SEMA6D: variants seen among roughly 807,000 people sequenced by gnomAD.
SEMA6D encodes semaphorin-6D.
A neutral mutation model predicts 106.6 loss-of-function variants in SEMA6D; 35 were observed. The ratio of observed to expected loss-of-function variants is 0.33; its 90% CI spans 0.25 to 0.44. The LOEUF (loss-of-function observed/expected upper bound fraction) is 0.44. Among genes scored for constraint, SEMA6D ranks in the 20% least tolerant of loss-of-function variants. The pLI is 1.00. For missense variants in SEMA6D, 1,185 were observed against 1,345.9 expected (o/e 0.88, Z 1.87); for synonymous variants, 499 against 487.7 (o/e 1.02, Z -0.31).
chr15:47,509,247 A>G (rs187699949), intron 3 of SEMA6D, among the ~76,000 whole-genome samples: 33 of 152,232 alleles, frequency 2.2e-4, no homozygotes, highest in Middle Eastern at 3.4e-3. Context: ...GTGTGTGATA[A>G]TAAAAGCAGA....
chr15:47,623,964 A>G (rs1006392815), intron 4 of SEMA6D, among the ~76,000 whole-genome samples: 1 of 152,124 alleles, frequency 6.6e-6, no homozygotes, highest in Non-Finnish European at 1.5e-5. Context: ...TCCCCACTGG[A>G]ATCAAAGTCT....
chr15:47,320,412 CTTATT>C (rs5812375), intron 1 of SEMA6D, among the ~76,000 whole-genome samples: 7,311 of 152,222 alleles, frequency 0.048, 249 homozygotes, highest in African/African-American at 0.1. Flanking sequence ...GTCCCTGTTC[CTTATT>C]TTATCAGTGC....
chr15:47,615,005 G>C (rs747483364), intron 4 of SEMA6D, among the ~76,000 whole-genome samples: 9 of 152,106 alleles, frequency 5.9e-5, no homozygotes, highest in Non-Finnish European at 1.3e-4. Context: ...CAAGGCCCTA[G>C]TATGTGCCAA....
At position 47,511,527 on chromosome 15, in the gene SEMA6D, CATGT is replaced by C. The variant is rs10573577; in HGVS notation, c.-87+40983_-87+40986del. Among the ~76,000 whole-genome samples, 327 of 152,268 alleles carry C rather than the reference CATGT, an allele frequency of 2.1e-3. 2 individuals carry two copies. The highest frequency in any genetic ancestry group is 7.7e-3 in the African/African-American group (319 of 41,546). ...AGTTTTCACTACCCCCCTCCTGCCA[CATGT>C]GTTAGGTTGCTCCTATATCTTGACA... On this transcript the variant is annotated intron_variant, in intron 3 of 19. Transcript: ENST00000558014.
intron 1 of SEMA6D, among the ~76,000 whole-genome samples, chr15:47,232,066 T>C (rs1459487444): frequency 6.6e-6 from 1 of 151,980 alleles, no homozygotes; most frequent in African/African-American, 2.4e-5. Context: ...TCTCCAGAGT[T>C]TCCTTTTTTG....
At chr15:47,760,011 C>G in intron 2 of SEMA6D, 104 bp downstream of exon 2, 2 of 873,718 alleles carry the variant, frequency 2.3e-6, no homozygotes, top group Non-Finnish European at 3.7e-6. Flanking sequence ...TTTTTTATGT[C>G]TTAACCTTGA....
At position 47,594,672 on chromosome 15, in the gene SEMA6D, ATG is replaced by A. The variant is rs377509335; in HGVS notation, c.-86-6192_-86-6191del. 2.3e-3 allele frequency among the ~76,000 whole-genome samples: 343 copies of A among 152,314 alleles called. 6 individuals are homozygous for A. In the South Asian group the frequency reaches 0.035, roughly 15 times the overall value. On this transcript the variant is annotated intron_variant, in intron 3 of 19. Coordinates refer to the SEMA6D transcript ENST00000558014. ...CTGCTTCCAATAAGCTCCCAGTCTAATGAGGGAGGTGGACCTTTACACAGAAA... is the reference window on the plus strand; with the variant it reads ...CTGCTTCCAATAAGCTCCCAGTCTAAAGGGAGGTGGACCTTTACACAGAAA...
At chr15:47,596,846 GA>G (rs1173325154) in intron 3 of SEMA6D, among the ~76,000 whole-genome samples, 1 of 151,716 alleles carries the variant, frequency 6.6e-6, no homozygotes, top group Non-Finnish European at 1.5e-5. Flanking sequence ...AAACATAGGA[GA>G]AAAAAACTAC....
intron 1 of SEMA6D, among the ~76,000 whole-genome samples, chr15:47,307,923 A>G (rs1020855467): frequency 2.0e-5 from 3 of 152,160 alleles, no homozygotes; most frequent in Non-Finnish European, 2.9e-5. Context: ...TTGTTTGATC[A>G]GAGTGTATTT....
chr15:47,664,583 T>G (rs1337424296), intron 4 of SEMA6D, among the ~76,000 whole-genome samples: 1 of 152,216 alleles, frequency 6.6e-6, no homozygotes, highest in African/African-American at 2.4e-5. Context: ...GGGTGTGACA[T>G]AGGTGGATCA....
chr15:47,193,132 A>G (rs1000755417), intron 1 of SEMA6D, among the ~76,000 whole-genome samples: 3 of 152,144 alleles, frequency 2.0e-5, no homozygotes, highest in African/African-American at 7.2e-5. Flanking sequence ...GACCCCATGG[A>G]TGGGCTGCCT....
chr15:47,666,240 G>A (rs1016730636), intron 4 of SEMA6D, among the ~76,000 whole-genome samples: 5 of 152,204 alleles, frequency 3.3e-5, no homozygotes, highest in East Asian at 1.9e-4. Flanking sequence ...ATAAGAGGCG[G>A]TGAAAAGAAA....
chr15:47,766,213 G>T (rs2082329137), intron 15 of SEMA6D, 31 bp downstream of exon 15: 1 of 1,569,156 alleles, frequency 6.4e-7, no homozygotes, highest in Non-Finnish European at 8.8e-7. Context: ...GAGCTAGGAT[G>T]AACTATCCTC....
At chr15:47,500,100 AG>A (rs1294512569) in intron 3 of SEMA6D, among the ~76,000 whole-genome samples, 1 of 152,202 alleles carries the variant, frequency 6.6e-6, no homozygotes, top group Non-Finnish European at 1.5e-5. Flanking sequence ...CCAGTTTCAT[AG>A]CCAGTCAGCT....
intron 1 of SEMA6D, among the ~76,000 whole-genome samples, chr15:47,347,526 A>G (rs1454450513): frequency 6.6e-6 from 1 of 152,244 alleles, no homozygotes; most frequent in Non-Finnish European, 1.5e-5. Flanking sequence ...AACTAACTAG[A>G]GATATATAAA....
At chr15:47,442,609 G>C (rs568056150) in intron 2 of SEMA6D, among the ~76,000 whole-genome samples, 1 of 152,214 alleles carries the variant, frequency 6.6e-6, no homozygotes, top group South Asian at 2.1e-4. Flanking sequence ...GCTTCTCACA[G>C]TTTAAAGTTG....
At chr15:47,710,311 G>A (rs1004487366) in intron 4 of SEMA6D, among the ~76,000 whole-genome samples, 1 of 152,012 alleles carries the variant, frequency 6.6e-6, no homozygotes, top group African/African-American at 2.4e-5. Flanking sequence ...ATGAGAAACC[G>A]ACCCCTGGAA....
intron 4 of SEMA6D, among the ~76,000 whole-genome samples, chr15:47,711,008 T>C (rs1394149644): frequency 2.6e-5 from 4 of 152,142 alleles, no homozygotes; most frequent in Non-Finnish European, 4.4e-5. Flanking sequence ...AGAAAGTTTG[T>C]TGTAAAAATG....
chr15:47,287,352 A>G (rs1004219805), intron 1 of SEMA6D, among the ~76,000 whole-genome samples: 1 of 152,196 alleles, frequency 6.6e-6, no homozygotes, highest in Non-Finnish European at 1.5e-5. Flanking sequence ...ACTTAAAAAT[A>G]CATATAGTCT....
Sources: gnomAD v4.1 joint callset for allele counts (sites outside exome capture counted in the v4.1 genomes callset) on GRCh38, gnomAD v4.1.1 for gene constraint, MANE v1.5 for transcripts, NCBI Gene and HGNC (gene_info 2026-07-23, HGNC 2026-07-21) for gene names.